The following SEMA6D variants were observed in gnomAD, a reference collection of about 807,000 sequenced individuals.
The protein encoded by SEMA6D is semaphorin 6D, also known as semaphorin-6D.
SEMA6D carries 35 observed loss-of-function variants against 106.6 expected under a neutral mutation model. That is an observed-to-expected ratio of 0.33 (90% confidence interval 0.25 to 0.44). SEMA6D has a LOEUF of 0.44. Among genes scored for constraint, SEMA6D ranks in the 20% least tolerant of loss-of-function variants. SEMA6D has a pLI of 1.00. For synonymous variants in SEMA6D, 499 were observed against 487.7 expected (o/e 1.02, Z -0.31); for missense variants, 1,185 against 1,345.9 (o/e 0.88, Z 1.87).
chr15:47,704,433 T>G (rs1425282461), intron 4 of SEMA6D, among the ~76,000 whole-genome samples: 1 of 152,222 alleles, frequency 6.6e-6, no homozygotes, highest in East Asian at 1.9e-4. Context: ...AATTCATATT[T>G]TGAGGCCAGG....
At chr15:47,762,918 G>A (rs1012440398) in intron 8 of SEMA6D, 98 bp from the exon 9 acceptor site, 2 of 858,062 alleles carry the variant, frequency 2.3e-6, no homozygotes, top group Non-Finnish European at 3.5e-6. Flanking sequence ...TGGCTTGAAT[G>A]TAATTGTGCA....
chr15:47,466,712 G>A (rs55689274), intron 2 of SEMA6D, among the ~76,000 whole-genome samples: 46,962 of 148,708 alleles, frequency 0.32, 7,482 homozygotes, highest in Middle Eastern at 0.46. Flanking sequence ...TGGCAGTTCT[G>A]TTTTTAGGTG....
intron 2 of SEMA6D, among the ~76,000 whole-genome samples, chr15:47,469,299 G>GGTGT (rs71299525): frequency 0.085 from 12,752 of 149,360 alleles, 1,533 homozygotes; most frequent in African/African-American, 0.27. Flanking sequence ...GTTGCTTTAA[G>GGTGT]GTGTGTGTGT....
intron 1 of SEMA6D, among the ~76,000 whole-genome samples, chr15:47,740,165 T>G (rs2080717110): frequency 6.6e-6 from 1 of 152,182 alleles, no homozygotes; most frequent in Non-Finnish European, 1.5e-5. Context: ...GCATTGCGAC[T>G]CATTTTTCAG....
In SEMA6D at chr15:47,476,714, C is replaced by T. The variant is rs533634475; in HGVS notation, c.-87+6169C>T. Among the ~76,000 whole-genome samples, 3 of 152,166 alleles carry T rather than the reference C, an allele frequency of 2.0e-5. No homozygotes were observed. In the South Asian group the frequency reaches 6.2e-4, roughly 32 times the overall value. On this transcript the variant is annotated intron_variant, in intron 3 of 19. Coordinates refer to the SEMA6D transcript ENST00000558014. Reference sequence around the variant, plus strand: ...GCATACCGTCTGATTTAATTCAGTCCGTTGTTTGTTTCTCCCATGAACTCA... The same window carrying T: ...GCATACCGTCTGATTTAATTCAGTCTGTTGTTTGTTTCTCCCATGAACTCA...
rs2082022920 is a variant in SEMA6D at position 47,760,846 on chromosome 15, CT to C, written c.222-129del. ...CTAATGAAAAAGTACTCTTTGTTGA[CT>C]TTGTTTGAGACAGAGAAAATCCAGA... On this transcript the variant is annotated intron_variant, in intron 3 of 18. Coordinates refer to ENST00000536845, the MANE Select transcript of SEMA6D (RefSeq NM_001358351.3). The C allele has an allele frequency of 6.4e-6, 5 of 784,706 alleles. No individual in the cohort carries two copies. The South Asian group carries it at 9.8e-5, about 15-fold the overall frequency. The allele number at this position is 784,706 out of a possible 1,614,324, so 48.6% of individuals were successfully genotyped here.
chr15:47,191,191 A>G (rs1233464203), intron 1 of SEMA6D, among the ~76,000 whole-genome samples: 1 of 151,738 alleles, frequency 6.6e-6, no homozygotes, highest in East Asian at 1.9e-4. Context: ...ATATATATAT[A>G]TATATACTTG....
intron 11 of SEMA6D, 134 bp downstream of exon 11, chr15:47,764,439 CAT>C: frequency 7.8e-7 from 1 of 1,283,068 alleles, no homozygotes; most frequent in Non-Finnish European, 1.1e-6. Context: ...AGCCAGCAGA[CAT>C]AGCCTTGTGA....
At chr15:47,331,082 T>G (rs1023105952) in intron 1 of SEMA6D, among the ~76,000 whole-genome samples, 1 of 152,210 alleles carries the variant, frequency 6.6e-6, no homozygotes, top group Non-Finnish European at 1.5e-5. Context: ...GTCACGAATC[T>G]CACTGGCAAA....
At chr15:47,264,660 T>G (rs1251343324) in intron 1 of SEMA6D, among the ~76,000 whole-genome samples, 1 of 151,948 alleles carries the variant, frequency 6.6e-6, no homozygotes, top group Non-Finnish European at 1.5e-5. Flanking sequence ...ATAGCAAGAG[T>G]GGATACCTTT....
chr15:47,558,744 G>A (rs1192437280), intron 3 of SEMA6D, among the ~76,000 whole-genome samples: 1 of 152,002 alleles, frequency 6.6e-6, no homozygotes, highest in Non-Finnish European at 1.5e-5. Context: ...CTTTGCTTCT[G>A]CCTTCAATAA....
chr15:47,422,170 C>CTT, intron 2 of SEMA6D, among the ~76,000 whole-genome samples: 1 of 131,940 alleles, frequency 7.6e-6, no homozygotes, highest in African/African-American at 2.7e-5. Flanking sequence ...TTTTGCCCGC[C>CTT]CGCCTGCCTG....
chr15:47,539,417 TTG>T (rs2045285927), intron 3 of SEMA6D, among the ~76,000 whole-genome samples: 1 of 151,836 alleles, frequency 6.6e-6, no homozygotes, highest in African/African-American at 2.4e-5. Flanking sequence ...GTTTTTTTTT[TTG>T]TTTGTTTGTT....
At chr15:47,499,910 AGTACTCCTACCCATGGAG>A (rs150775580) in intron 3 of SEMA6D, among the ~76,000 whole-genome samples, 12,060 of 152,024 alleles carry the variant, frequency 0.079, 755 homozygotes, top group East Asian at 0.32. Context: ...AGGCAATACC[AGTACTCCTACCCATGGAG>A]GTTCTTGACA....
intron 1 of SEMA6D, among the ~76,000 whole-genome samples, chr15:47,739,437 A>AC (rs547419688): frequency 6.6e-6 from 1 of 151,148 alleles, no homozygotes; most frequent in Non-Finnish European, 1.5e-5. Flanking sequence ...GTATTCCACC[A>AC]CCCCCCGCCC....
chr15:47,543,446 T>A (rs906462367), intron 3 of SEMA6D, among the ~76,000 whole-genome samples: 2 of 152,166 alleles, frequency 1.3e-5, no homozygotes, highest in Admixed American at 6.6e-5. Flanking sequence ...ATGTAAGATG[T>A]GACTTTGCTC....
In SEMA6D at chr15:47,348,718, C is replaced by CAGAGAGAGAGA. The variant is rs1379277513; in HGVS notation, c.-238-63675_-238-63674insAGAGAGAGAGA. 7.9e-4 allele frequency among the ~76,000 whole-genome samples: 38 copies of CAGAGAGAGAGA among 48,052 alleles called. 1 individual carries two copies. Among genetic ancestry groups the CAGAGAGAGAGA allele is most frequent in the African/African-American group, 2.2e-3 (36 of 16,602 alleles). 31.5% of individuals were successfully genotyped at this position (48,052 alleles called of 152,430 possible). A position where few individuals can be genotyped will look rare whatever the true frequency, so the allele number is the denominator to read the frequency against. On this transcript the variant is annotated intron_variant, in intron 1 of 19. Coordinates refer to the SEMA6D transcript ENST00000558014. ...ACACACACACACACACACACACACA[C>CAGAGAGAGAGA]CACACACACAGAGAGAGAGAGAGAG...
chr15:47,334,083 G>C (rs1378511407), intron 1 of SEMA6D, among the ~76,000 whole-genome samples: 1 of 152,148 alleles, frequency 6.6e-6, no homozygotes, highest in African/African-American at 2.4e-5. Flanking sequence ...CTACGTGGTT[G>C]TCAATTTGCC....
chr15:47,489,707 A>G (rs1486480922), intron 3 of SEMA6D, among the ~76,000 whole-genome samples: 1 of 151,796 alleles, frequency 6.6e-6, no homozygotes, highest in African/African-American at 2.4e-5. Context: ...GCTGGAGTGC[A>G]GTGGCGCGAT....
Sources: gnomAD v4.1 joint callset for allele counts (sites outside exome capture counted in the v4.1 genomes callset) on GRCh38, gnomAD v4.1.1 for gene constraint, MANE v1.5 for transcripts, NCBI Gene and HGNC (gene_info 2026-07-23, HGNC 2026-07-21) for gene names.